TENM4: variants seen among roughly 807,000 people sequenced by gnomAD.
TENM4 encodes teneurin-4.
Under a neutral mutation model 243.3 loss-of-function variants are expected in TENM4, and 82 were observed. The ratio of observed to expected loss-of-function variants is 0.34; its 90% confidence interval spans 0.28 to 0.40. The LOEUF is 0.40. Ranked by LOEUF, TENM4 falls within the 10% of genes least tolerant of loss-of-function variation. TENM4 has a pLI of 1.00. For missense variants in TENM4, 3,138 were observed against 3,673.3 expected (o/e 0.85, Z 3.77); for synonymous variants, 1,412 against 1,456.3 (o/e 0.97, Z 0.69).
chr11:79,334,945 G>A (rs1452748079), intron 1 of TENM4, among the ~76,000 whole-genome samples: 1 of 152,092 alleles, frequency 6.6e-6, no homozygotes, highest in African/African-American at 2.4e-5. Context: ...GCATCATACC[G>A]TGCCCTCCAA....
Position 79,170,232 on chromosome 11 carries a change from G to C in TENM4, c.-162-21426C>G, listed in dbSNP as rs191327795. On this transcript the variant is annotated intron_variant, in intron 3 of 33. Transcript: ENST00000278550. The stretch of plus-strand genomic sequence containing the variant: ...TTCCAAGTTCATGAAGGCTTGGGTG[G>C]GAAGTTGGGAACATAAGACTCTGTC... 5.3e-5 allele frequency among the ~76,000 whole-genome samples: 8 copies of C among 152,252 alleles called. No homozygotes were observed. The East Asian group carries it at 1.4e-3, about 26-fold the overall frequency.
chr11:79,340,852 A>C (rs1857230224), intron 1 of TENM4, among the ~76,000 whole-genome samples: 1 of 152,168 alleles, frequency 6.6e-6, no homozygotes, highest in Non-Finnish European at 1.5e-5. Flanking sequence ...CAACAAAAAA[A>C]AATACTTATG....
intron 6 of TENM4, among the ~76,000 whole-genome samples, chr11:79,017,296 G>C (rs975367321): frequency 6.6e-6 from 1 of 152,156 alleles, no homozygotes; most frequent in African/African-American, 2.4e-5. Flanking sequence ...AGGAAGTGGG[G>C]TAGGTGGGAG....
At chr11:79,418,530 T>C (rs1165617880) in intron 1 of TENM4, among the ~76,000 whole-genome samples, 1 of 152,230 alleles carries the variant, frequency 6.6e-6, no homozygotes. Context: ...TTCTCCCTCA[T>C]ATGGCTCCAC....
intron 2 of TENM4, among the ~76,000 whole-genome samples, chr11:79,231,869 C>G (rs1168221038): frequency 1.3e-5 from 2 of 152,110 alleles, no homozygotes; most frequent in East Asian, 3.9e-4. Context: ...CACTTGAGGT[C>G]AGGAGTTCAA....
At chr11:78,973,899 T>G (rs1857597436) in intron 6 of TENM4, among the ~76,000 whole-genome samples, 1 of 151,736 alleles carries the variant, frequency 6.6e-6, no homozygotes, top group Non-Finnish European at 1.5e-5. Flanking sequence ...TTGAAGTAAG[T>G]GAGGGAGTGA....
At chr11:79,253,081 T>C (rs1462784444) in intron 2 of TENM4, among the ~76,000 whole-genome samples, 1 of 152,212 alleles carries the variant, frequency 6.6e-6, no homozygotes, top group Non-Finnish European at 1.5e-5. Context: ...ACTTACCCAG[T>C]GTCACACGAA....
chr11:79,219,595 T>A (rs575643014), intron 2 of TENM4, among the ~76,000 whole-genome samples: 1 of 152,264 alleles, frequency 6.6e-6, no homozygotes, highest in African/African-American at 2.4e-5. Context: ...CTCTGGGGAA[T>A]CTAAGCTGCT....
chr11:79,319,689 A>T (rs1856856921), intron 1 of TENM4, among the ~76,000 whole-genome samples: 1 of 151,932 alleles, frequency 6.6e-6, no homozygotes, highest in African/African-American at 2.4e-5. Context: ...AAGGGATGAG[A>T]AATATGAGCA....
chr11:79,380,086 TACAGAACCTCCTTCCCCCA>T (rs1857970374), intron 1 of TENM4, among the ~76,000 whole-genome samples: 1 of 152,158 alleles, frequency 6.6e-6, no homozygotes, highest in Non-Finnish European at 1.5e-5. Context: ...GTTCTCTGTC[TACAGAACCTCCTTCCCCCA>T]ACACATGCAG....
chr11:79,382,684 G>A (rs1206512636), intron 1 of TENM4, among the ~76,000 whole-genome samples: 1 of 151,934 alleles, frequency 6.6e-6, no homozygotes, highest in African/African-American at 2.4e-5. Context: ...AGGGGGAGGA[G>A]GACACTGGGG....
chr11:78,736,473 T>C (rs1411666869), intron 20 of TENM4, among the ~76,000 whole-genome samples: 7 of 143,198 alleles, frequency 4.9e-5, no homozygotes, highest in African/African-American at 2.0e-4. Context: ...TGTGTGTGTG[T>C]GTGTGTGCGC....
chr11:79,117,521 G>A (rs1565210627), intron 4 of TENM4, among the ~76,000 whole-genome samples: 1 of 152,188 alleles, frequency 6.6e-6, no homozygotes, highest in Non-Finnish European at 1.5e-5. Flanking sequence ...TGGGGCGGGG[G>A]CCAAACATGA....
intron 4 of TENM4, among the ~76,000 whole-genome samples, chr11:79,137,107 T>A (rs912198611): frequency 6.6e-6 from 1 of 152,162 alleles, no homozygotes; most frequent in East Asian, 1.9e-4. Context: ...TTCCTGTTCC[T>A]GTGACATTAT....
intron 4 of TENM4, among the ~76,000 whole-genome samples, chr11:79,070,633 T>C (rs1448392972): frequency 6.6e-6 from 1 of 152,170 alleles, no homozygotes. Flanking sequence ...ACTTTACCTG[T>C]ACTGCTCACT....
rs368439361 is a variant in TENM4 at position 79,305,840 on chromosome 11, T to C, written c.-320-8297A>G. Among the ~76,000 whole-genome samples, 177 of 152,314 alleles carry C rather than the reference T, an allele frequency of 1.2e-3. 8 individuals are homozygous for C. In the South Asian group the frequency reaches 0.036, roughly 31 times the overall value. Reference sequence around the variant, plus strand: ...GATCTAGGCCCAAGGAAAGTGTCCCTAACTTCATTTGTGAAGCCACTGGTC... The same window carrying C: ...GATCTAGGCCCAAGGAAAGTGTCCCCAACTTCATTTGTGAAGCCACTGGTC... On this transcript the variant is annotated intron_variant, in intron 1 of 33. Transcript: ENST00000278550.
At chr11:79,271,436 G>A (rs193195106) in intron 2 of TENM4, among the ~76,000 whole-genome samples, 1 of 152,158 alleles carries the variant, frequency 6.6e-6, no homozygotes, top group Admixed American at 6.5e-5. Flanking sequence ...TCTATTTATA[G>A]GTCCATAATC....
intron 1 of TENM4, among the ~76,000 whole-genome samples, chr11:79,332,417 C>A (rs1224003189): frequency 6.6e-6 from 1 of 152,152 alleles, no homozygotes; most frequent in African/African-American, 2.4e-5. Flanking sequence ...AATGAGGGCC[C>A]AGTCATCACA....
At chr11:78,783,872 C>A (rs551875346) in intron 16 of TENM4, among the ~76,000 whole-genome samples, 2 of 152,144 alleles carry the variant, frequency 1.3e-5, no homozygotes, top group Non-Finnish European at 2.9e-5. Context: ...GGAAATGTCA[C>A]TGGGGTAAAA....
Sources: allele counts gnomAD v4.1 joint callset (sites outside exome capture counted in the v4.1 genomes callset), GRCh38; gene constraint gnomAD v4.1.1; transcripts MANE v1.5; gene names NCBI Gene and HGNC (gene_info 2026-07-23, HGNC 2026-07-21).